The following TENM4 variants were observed in gnomAD, a reference collection of about 807,000 sequenced individuals.
TENM4 encodes the protein teneurin transmembrane protein 4.
In TENM4, 82 loss-of-function variants were observed where a neutral mutation model predicts 243.3. The ratio of observed to expected loss-of-function variants is 0.34; its 90% CI spans 0.28 to 0.40. TENM4 has a LOEUF of 0.40. Ranked by LOEUF, TENM4 falls within the 10% of genes least tolerant of loss-of-function variation. The probability of loss-of-function intolerance (pLI) is 1.00; values close to 1 mark genes in which losing one functional copy is unlikely to be tolerated. For synonymous variants in TENM4, 1,412 were observed against 1,456.3 expected (o/e 0.97, Z 0.69); for missense variants, 3,138 against 3,673.3 (o/e 0.85, Z 3.77).
intron 1 of TENM4, among the ~76,000 whole-genome samples, chr11:79,395,870 GTAAGACATATTTGTCCCTGT>G (rs1227746305): frequency 6.6e-6 from 1 of 152,174 alleles, no homozygotes; most frequent in Non-Finnish European, 1.5e-5. Context: ...ACAGAGATAA[GTAAGACATATTTGTCCCTGT>G]TCTTGAGCAG....
At chr11:79,355,362 G>A (rs186410539) in intron 1 of TENM4, among the ~76,000 whole-genome samples, 66 of 152,134 alleles carry the variant, frequency 4.3e-4, no homozygotes, top group Non-Finnish European at 7.8e-4. Flanking sequence ...GTAAAACCTC[G>A]TCTCTACTAA....
chr11:79,416,159 A>G (rs1858808661), intron 1 of TENM4, among the ~76,000 whole-genome samples: 1 of 152,194 alleles, frequency 6.6e-6, no homozygotes, highest in African/African-American at 2.4e-5. Context: ...CATTTGGGTG[A>G]CTTACAATTT....
intron 6 of TENM4, among the ~76,000 whole-genome samples, chr11:79,029,893 A>G (rs1435932027): frequency 6.6e-6 from 1 of 152,172 alleles, no homozygotes; most frequent in African/African-American, 2.4e-5. Flanking sequence ...GGGAGAAATC[A>G]TATCACCTGA....
chr11:78,894,134 G>T (rs1230162702), intron 7 of TENM4, among the ~76,000 whole-genome samples: 1 of 152,156 alleles, frequency 6.6e-6, no homozygotes, highest in Non-Finnish European at 1.5e-5. Flanking sequence ...CATTGAAGAT[G>T]GCAGCAGAAG....
chr11:79,108,828 A>T (rs1301369615), intron 4 of TENM4, among the ~76,000 whole-genome samples: 2 of 152,114 alleles, frequency 1.3e-5, no homozygotes, highest in Non-Finnish European at 2.9e-5. Flanking sequence ...AACGGTGGAA[A>T]ATTTAGCCAA....
At chr11:78,755,495 T>C (rs1047101367) in intron 19 of TENM4, among the ~76,000 whole-genome samples, 1 of 152,134 alleles carries the variant, frequency 6.6e-6, no homozygotes, top group Non-Finnish European at 1.5e-5. Context: ...TGTGTGCTCA[T>C]GGTTTCAACT....
At chr11:79,346,086 T>C (rs891012746) in intron 1 of TENM4, among the ~76,000 whole-genome samples, 1 of 152,246 alleles carries the variant, frequency 6.6e-6, no homozygotes, top group Non-Finnish European at 1.5e-5. Context: ...ATAAGATGGC[T>C]GAAGAGGAGA....
At chr11:79,416,943 C>G (rs180915989) in intron 1 of TENM4, among the ~76,000 whole-genome samples, 1 of 152,226 alleles carries the variant, frequency 6.6e-6, no homozygotes, top group Non-Finnish European at 1.5e-5. Flanking sequence ...TCTTGCCACT[C>G]ACACAGTCAT....
Position 79,260,852 on chromosome 11 carries a change from C to A in TENM4, c.-265+36636G>T, listed in dbSNP as rs369002268. Among the ~76,000 whole-genome samples the A allele has an allele frequency of 8.5e-5, 13 of 152,256 alleles. No individual in the cohort carries two copies. In the East Asian group the frequency reaches 1.4e-3, roughly 16 times the overall value. On this transcript the variant is annotated intron_variant, in intron 2 of 33. Transcript: ENST00000278550. ...TCTGGGGATCCAACCCCAGATAATG[C>A]CAAATCTTCCCCCAACCCACTTCAT...
chr11:78,876,460 C>T (rs1310045761), intron 9 of TENM4, among the ~76,000 whole-genome samples: 1 of 152,176 alleles, frequency 6.6e-6, no homozygotes, highest in African/African-American at 2.4e-5. Context: ...GTCTACTATC[C>T]TCTACCTTTG....
intron 15 of TENM4, among the ~76,000 whole-genome samples, chr11:78,794,178 G>T (rs1246389276): frequency 6.6e-6 from 1 of 152,162 alleles, no homozygotes; most frequent in East Asian, 1.9e-4. Flanking sequence ...TTTATGTGCT[G>T]GAAAGCATCA....
intron 2 of TENM4, among the ~76,000 whole-genome samples, chr11:79,258,724 C>T (rs534643888): frequency 6.6e-6 from 1 of 152,296 alleles, no homozygotes; most frequent in African/African-American, 2.4e-5. Flanking sequence ...GGGGCTTAAG[C>T]GGATGCAGTT....
Position 78,702,176 on chromosome 11 carries a change from C to A in TENM4, c.4437G>T (p.Gly1479=). 1 of 1,613,964 alleles carries A rather than the reference C, an allele frequency of 6.2e-7. No individual in the cohort carries two copies. The highest frequency in any genetic ancestry group is 8.5e-7 in the Non-Finnish European group (1 of 1,179,898). Residue 1479 remains glycine (G), a synonymous_variant, in exon 28 of 34, where the codon GGG becomes GGT. Coordinates refer to ENST00000278550, the MANE Select transcript of TENM4 (RefSeq NM_001098816.3). ...CATCAGTCTCAGCAATATACAGGAC[C>A]CCATTGTGTGAAACAGCCAAAGCGG... is the stretch of plus-strand genomic sequence containing the variant. ...SATALAVSHN[G]VLYIAETDEK... is the part of the protein sequence containing the mutation.
intron 4 of TENM4, among the ~76,000 whole-genome samples, chr11:79,072,528 A>G (rs1279653802): frequency 1.3e-5 from 2 of 152,164 alleles, no homozygotes; most frequent in African/African-American, 4.8e-5. Flanking sequence ...ATGACCCACT[A>G]CACACATTGA....
chr11:78,761,325 C>T (rs1404311849), intron 18 of TENM4, among the ~76,000 whole-genome samples: 2 of 151,930 alleles, frequency 1.3e-5, no homozygotes, highest in South Asian at 2.1e-4. Context: ...CTGCAAGCTC[C>T]GCCTCCCGGG....
chr11:79,159,321 G>A (rs1409812110), intron 3 of TENM4, among the ~76,000 whole-genome samples: 1 of 152,164 alleles, frequency 6.6e-6, no homozygotes, highest in Non-Finnish European at 1.5e-5. Flanking sequence ...ATAACAGTTG[G>A]CATGTAGTAT....
chr11:78,969,030 G>C (rs1239713205), intron 6 of TENM4, among the ~76,000 whole-genome samples: 2 of 152,194 alleles, frequency 1.3e-5, no homozygotes, highest in African/African-American at 2.4e-5. Context: ...AAAAAAAGGA[G>C]TAATGATACC....
chr11:78,967,752 A>G (rs1313807806), intron 6 of TENM4, among the ~76,000 whole-genome samples: 1 of 152,184 alleles, frequency 6.6e-6, no homozygotes, highest in Non-Finnish European at 1.5e-5. Context: ...CTGTGTTTGT[A>G]GTAAAAAAGA....
At chr11:79,049,269 C>T (rs1560994) in intron 6 of TENM4, among the ~76,000 whole-genome samples, 139,205 of 152,224 alleles carry the variant, frequency 0.91, 64,421 homozygotes, top group Non-Finnish European at 0.98. Flanking sequence ...GGACACGGCT[C>T]TTCCCCCCTA....
Sources: allele counts gnomAD v4.1 joint callset (sites outside exome capture counted in the v4.1 genomes callset), GRCh38; gene constraint gnomAD v4.1.1; transcripts MANE v1.5; gene names NCBI Gene and HGNC (gene_info 2026-07-23, HGNC 2026-07-21).